Variants in RNF220 observed in about 807,000 individuals in gnomAD.
RNF220 encodes the protein E3 ubiquitin-protein ligase RNF220.
Under a neutral mutation model 67.1 loss-of-function variants are expected in RNF220, and 7 were observed. The observed-to-expected ratio is 0.10, with a 90% confidence interval of 0.06 to 0.20. The LOEUF (loss-of-function observed/expected upper bound fraction) is 0.20. Ranked by LOEUF, RNF220 falls within the 10% of genes least tolerant of loss-of-function variation. RNF220 has a pLI of 1.00. For synonymous variants in RNF220, 270 were observed against 283.2 expected, an observed-to-expected ratio of 0.95 and a Z score of 0.47; for missense variants, 565 against 740.3, an observed-to-expected ratio of 0.76 and a Z score of 2.75.
At chr1:44,635,833 C>G in intron 7 of RNF220, 197 bp from the exon 8 acceptor site, 3 of 1,294,546 alleles carry the variant, frequency 2.3e-6, no homozygotes, top group Non-Finnish European at 3.2e-6. Flanking sequence ...CTCATTCCCT[C>G]CTTGGGCTCC....
At chr1:44,536,570 G>A (rs552592966) in intron 2 of RNF220, among the ~76,000 whole-genome samples, 240 of 152,276 alleles carry the variant, frequency 1.6e-3, no homozygotes, top group African/African-American at 5.0e-3. Context: ...CACCCTTGTC[G>A]CTTTCCTCTG....
At chr1:44,407,662 G>T (rs1456782651) in intron 1 of RNF220, among the ~76,000 whole-genome samples, 1 of 152,042 alleles carries the variant, frequency 6.6e-6, no homozygotes, top group Non-Finnish European at 1.5e-5. Context: ...CGCGGTGTGC[G>T]GCGGCCGGAC....
rs555184729 is a variant in RNF220 at position 44,409,588 on chromosome 1, T to C, written c.-117-2393T>C. On this transcript the variant is annotated intron_variant, in intron 1 of 14. Coordinates refer to ENST00000361799, the MANE Select transcript of RNF220 (RefSeq NM_018150.4). The stretch of plus-strand genomic sequence containing the variant: ...ATAGCTGGAGTTATTTTAATCTGGA[T>C]TTGCACGAAGTGCTAAATTAAAAAA... Among the ~76,000 whole-genome samples, 254 of 152,354 alleles carry C rather than the reference T, an allele frequency of 1.7e-3. 1 individual carries two copies. The highest frequency in any genetic ancestry group is 2.9e-3 in the Non-Finnish European group (195 of 68,036).
chr1:44,544,177 G>A (rs545288674), intron 2 of RNF220, among the ~76,000 whole-genome samples: 4 of 152,202 alleles, frequency 2.6e-5, no homozygotes, highest in African/African-American at 4.8e-5. Flanking sequence ...GAACTGGAGC[G>A]GGGGTGGGAG....
chr1:44,509,258 T>C (rs1348709093), intron 2 of RNF220, among the ~76,000 whole-genome samples: 2 of 152,032 alleles, frequency 1.3e-5, no homozygotes, highest in Non-Finnish European at 2.9e-5. Flanking sequence ...TATTAGAAAA[T>C]AGGCATAGGC....
chr1:44,632,198 G>A (rs761814515), intron 5 of RNF220, 145 bp from the exon 6 acceptor site: 2 of 1,596,352 alleles, frequency 1.3e-6, no homozygotes, highest in South Asian at 1.1e-5. Context: ...GGGGCCGGCG[G>A]GAGGGAGGAA....
At chr1:44,503,403 C>T (rs1658118299) in intron 2 of RNF220, among the ~76,000 whole-genome samples, 1 of 150,950 alleles carries the variant, frequency 6.6e-6, no homozygotes, top group Non-Finnish European at 1.5e-5. Flanking sequence ...CGTGTCCCAC[C>T]AAGCAAAAAG....
intron 2 of RNF220, among the ~76,000 whole-genome samples, chr1:44,479,398 G>A (rs1655593119): frequency 6.6e-6 from 1 of 152,046 alleles, no homozygotes; most frequent in African/African-American, 2.4e-5. Flanking sequence ...TTACAGGTGT[G>A]AGCCACCGCG....
intron 2 of RNF220, among the ~76,000 whole-genome samples, chr1:44,459,599 A>C (rs1462214408): frequency 6.6e-6 from 1 of 152,198 alleles, no homozygotes; most frequent in South Asian, 2.1e-4. Flanking sequence ...CGAACAAAAA[A>C]GTGAGATTTG....
intron 2 of RNF220, among the ~76,000 whole-genome samples, chr1:44,449,078 C>T (rs1652400934): frequency 6.6e-6 from 1 of 152,224 alleles, no homozygotes; most frequent in Admixed American, 6.5e-5. Flanking sequence ...ATTGTATTAA[C>T]TTTCCATGTT....
intron 1 of RNF220, among the ~76,000 whole-genome samples, chr1:44,408,109 C>T (rs1417137622): frequency 6.6e-6 from 1 of 152,184 alleles, no homozygotes; most frequent in Non-Finnish European, 1.5e-5. Flanking sequence ...GGGCTCGGCT[C>T]CGCGTTGGGC....
chr1:44,437,184 G>A (rs898331218), intron 2 of RNF220, among the ~76,000 whole-genome samples: 1 of 152,126 alleles, frequency 6.6e-6, no homozygotes, highest in Non-Finnish European at 1.5e-5. Context: ...CAACCAATGC[G>A]GTAGACTTTC....
At chr1:44,591,519 C>T (rs889869104) in intron 2 of RNF220, among the ~76,000 whole-genome samples, 10 of 152,216 alleles carry the variant, frequency 6.6e-5, no homozygotes, top group Non-Finnish European at 1.3e-4. Flanking sequence ...ATTCCAGCTA[C>T]GTCCGCCATG....
chr1:44,636,170 C>A lies in RNF220; in HGVS notation c.1126+8C>A. On this transcript the variant is annotated splice_region_variant and intron_variant, in intron 8 of 14. Coordinates refer to ENST00000361799, the MANE Select transcript of RNF220 (RefSeq NM_018150.4). ...TGGAAGGTGGCTTCCGAGGTACAAG[C>A]AGCTGACACGTAGACATTGGCACTC... 2 of 1,595,610 alleles carry A rather than the reference C, an allele frequency of 1.3e-6. No individual in the cohort carries two copies. The highest frequency in any genetic ancestry group is 2.3e-5 in the South Asian group (2 of 88,872).
At chr1:44,406,916 C>T (rs1327191292) in intron 1 of RNF220, among the ~76,000 whole-genome samples, 1 of 152,232 alleles carries the variant, frequency 6.6e-6, no homozygotes, top group African/African-American at 2.4e-5. Context: ...TCGACCCCAG[C>T]TGGCGAGGGC....
intron 2 of RNF220, among the ~76,000 whole-genome samples, chr1:44,589,971 C>A (rs1640137808): frequency 6.6e-6 from 1 of 152,066 alleles, no homozygotes; most frequent in Admixed American, 6.6e-5. Flanking sequence ...GACCCTGGTG[C>A]AAATTAAGAT....
At chr1:44,563,149 G>T (rs1292530598) in intron 2 of RNF220, among the ~76,000 whole-genome samples, 4 of 152,244 alleles carry the variant, frequency 2.6e-5, no homozygotes, top group African/African-American at 4.8e-5. Context: ...GGTAACAGCA[G>T]ACCTGGGCCT....
At chr1:44,449,460 C>G (rs1489793714) in intron 2 of RNF220, among the ~76,000 whole-genome samples, 3 of 152,006 alleles carry the variant, frequency 2.0e-5, no homozygotes, top group Non-Finnish European at 4.4e-5. Flanking sequence ...GTCACCCAGG[C>G]TGGAGTGTGG....
At chr1:44,442,213 G>A (rs555318984) in intron 2 of RNF220, among the ~76,000 whole-genome samples, 3 of 151,794 alleles carry the variant, frequency 2.0e-5, no homozygotes, top group African/African-American at 4.8e-5. Context: ...CTGCAGCCTC[G>A]GCCTCCCTTC....
Sources: gnomAD v4.1 joint callset for allele counts (sites outside exome capture counted in the v4.1 genomes callset) on GRCh38, gnomAD v4.1.1 for gene constraint, MANE v1.5 for transcripts, NCBI Gene and HGNC (gene_info 2026-07-23, HGNC 2026-07-21) for gene names.